The following TPH1 variants were observed in gnomAD, a reference collection of about 807,000 sequenced individuals.
The protein encoded by TPH1 is tryptophan hydroxylase 1, also known as tryptophan 5-hydroxylase 1.
A neutral mutation model predicts 49.5 loss-of-function variants in TPH1; 37 were observed. That is an observed-to-expected ratio of 0.75 (90% confidence interval 0.58 to 0.98). The LOEUF (loss-of-function observed/expected upper bound fraction) is 0.98, where lower values mean the gene tolerates loss of function less well. TPH1 is among the 50% of genes least tolerant of loss of function. TPH1 has a pLI of 0.00. For missense variants in TPH1, 487 were observed against 523.6 expected, an observed-to-expected ratio of 0.93 and a Z score of 0.68; for synonymous variants, 160 against 182.1, an observed-to-expected ratio of 0.88 and a Z score of 0.98.
intron 2 of TPH1, among the ~76,000 whole-genome samples, chr11:18,038,506 T>G (rs905881300): frequency 3.3e-5 from 5 of 152,192 alleles, no homozygotes; most frequent in African/African-American, 1.2e-4. Context: ...AGTAATTCAA[T>G]GTACATATCA....
intron 9 of TPH1, chr11:18,023,205 T>G (rs1565234786): frequency 4.8e-6 from 2 of 413,490 alleles, no homozygotes; most frequent in Non-Finnish European, 9.0e-6. Context: ...TATTTATTTA[T>G]TCCTGTATTA....
At chr11:18,033,477 G>T in intron 3 of TPH1, 103 bp from the exon 4 acceptor site, 1 of 943,450 alleles carries the variant, frequency 1.1e-6, no homozygotes, top group Non-Finnish European at 1.6e-6. Flanking sequence ...TTGGATGAGA[G>T]TTTTAATTTT....
chr11:18,025,594 G>C lies in TPH1; in HGVS notation c.911C>G (p.Ala304Gly). The C allele has an allele frequency of 6.2e-7, 1 of 1,613,926 alleles. No homozygotes were observed. The highest frequency in any genetic ancestry group is 1.1e-5 in the South Asian group (1 of 91,078). ...GLASLGASEE[A>G]VQKLATCYFF... ...TTATACCGTTGCCAGTTTTTGAACA[G>C]CCTCCTCTGAAGCGCCAAGAGAAGC... Residue 304 changes from alanine to glycine, a missense_variant, in exon 8 of 11, where the codon GCT becomes GGT. Coordinates refer to ENST00000682019, the MANE Select transcript of TPH1 (RefSeq NM_004179.3).
rs1268883740 is a variant in TPH1, at chr11:18,019,778, T to A, written c.*1213A>T. 1 of 456,386 alleles carries A rather than the reference T, an allele frequency of 2.2e-6. No homozygotes were observed. Among genetic ancestry groups the A allele is most frequent in the East Asian group, 6.9e-5 (1 of 14,410 alleles). 28.3% of individuals were successfully genotyped at this position (456,386 alleles called of 1,614,324 possible). On this transcript the variant is annotated 3_prime_UTR_variant, in exon 11 of 11. Transcript: ENST00000682019. ...GGGGCAAATTAAAGAGACATAAGTT[T>A]GTATTTTGGAGTTCAGCTTCACCCA...
intron 3 of TPH1, among the ~76,000 whole-genome samples, chr11:18,034,389 T>G (rs1268198564): frequency 6.6e-6 from 1 of 152,210 alleles, no homozygotes; most frequent in Non-Finnish European, 1.5e-5. Flanking sequence ...TTCAAGGGAT[T>G]TAACAACAAA....
rs1847930965 is a variant in TPH1 at position 18,026,556 on chromosome 11, G to T, written c.737C>A (p.Ala246Asp). Residue 246 changes from alanine (A) to aspartate (D), a missense_variant, in exon 7 of 11, where the codon GCC becomes GAC. Coordinates refer to ENST00000682019, the MANE Select transcript of TPH1 (RefSeq NM_004179.3). ...LSPRDFLSGL[A>D]FRVFHCTQYV... ...TTGAGTGCAGTGAAAAACTCGAAAGGCTAAACCTGATAAGAAATCTCTTGG... is the reference window on the plus strand; with the variant it reads ...TTGAGTGCAGTGAAAAACTCGAAAGTCTAAACCTGATAAGAAATCTCTTGG... 6.2e-7 allele frequency: 1 copy of T among 1,614,016 alleles called. No homozygotes were observed.
intron 2 of TPH1, among the ~76,000 whole-genome samples, chr11:18,040,272 A>C (rs1848086950): frequency 6.8e-6 from 1 of 148,116 alleles, no homozygotes; most frequent in Non-Finnish European, 1.5e-5. Context: ...TAAGTTCTTA[A>C]CAAATGTTTG....
intron 10 of TPH1, among the ~76,000 whole-genome samples, chr11:18,022,122 T>C (rs933507034): frequency 3.9e-5 from 6 of 152,234 alleles, no homozygotes; most frequent in African/African-American, 1.4e-4. Context: ...TGTTGTCTCA[T>C]TGATTCTCCT....
At chr11:18,035,251 A>C (rs1242713307) in intron 3 of TPH1, among the ~76,000 whole-genome samples, 2 of 152,198 alleles carry the variant, frequency 1.3e-5, no homozygotes, top group East Asian at 3.8e-4. Context: ...GAGACTTACT[A>C]AGTGCTCAGG....
intron 1 of TPH1, chr11:18,042,275 G>A: frequency 4.7e-6 from 2 of 428,260 alleles, no homozygotes; most frequent in Non-Finnish European, 9.3e-6. Context: ...CAAATTGGTG[G>A]CTCTGGGGCT....
At chr11:18,030,875 T>C (rs1178476138) in intron 4 of TPH1, among the ~76,000 whole-genome samples, 1 of 152,162 alleles carries the variant, frequency 6.6e-6, no homozygotes, top group African/African-American at 2.4e-5. Context: ...GCAGAGCATG[T>C]TGAAACTAGT....
intron 1 of TPH1, among the ~76,000 whole-genome samples, chr11:18,044,327 T>C (rs369289350): frequency 1.2e-3 from 179 of 151,474 alleles, no homozygotes; most frequent in Middle Eastern, 3.4e-3. Flanking sequence ...GAGGCTGAGG[T>C]AGGAGAATGG....
chr11:18,031,680 T>C (rs1470338596), intron 4 of TPH1, among the ~76,000 whole-genome samples: 1 of 152,158 alleles, frequency 6.6e-6, no homozygotes, highest in Non-Finnish European at 1.5e-5. Context: ...CAGGACTTAG[T>C]AGATCAGTAA....
At chr11:18,036,869 A>G (rs573834036) in intron 2 of TPH1, among the ~76,000 whole-genome samples, 2 of 152,244 alleles carry the variant, frequency 1.3e-5, no homozygotes, top group Non-Finnish European at 2.9e-5. Flanking sequence ...CACCTGTGTA[A>G]CTAGGTAAGG....
chr11:18,030,576 A>G (rs1847977592), intron 4 of TPH1, among the ~76,000 whole-genome samples: 1 of 152,204 alleles, frequency 6.6e-6, no homozygotes, highest in South Asian at 2.1e-4. Flanking sequence ...AAATCTGGAA[A>G]AACAGATATG....
intron 2 of TPH1, among the ~76,000 whole-genome samples, chr11:18,038,488 G>T (rs1165082157): frequency 6.6e-6 from 1 of 152,186 alleles, no homozygotes; most frequent in Non-Finnish European, 1.5e-5. Context: ...ATTCTAAAGT[G>T]CAGACAAAGT....
chr11:18,044,276 G>A (rs949098352), intron 1 of TPH1, among the ~76,000 whole-genome samples: 2 of 151,972 alleles, frequency 1.3e-5, no homozygotes, highest in South Asian at 4.2e-4. Flanking sequence ...ACAAAAATTG[G>A]CTGGGTGTGG....
intron 8 of TPH1, among the ~76,000 whole-genome samples, chr11:18,024,704 T>A (rs1847909663): frequency 6.6e-6 from 1 of 152,220 alleles, no homozygotes; most frequent in Non-Finnish European, 1.5e-5. Flanking sequence ...GGATCTTTTA[T>A]CTAGGCATGA....
At position 18,020,205 on chromosome 11, in the gene TPH1, A is replaced by T. The variant is rs1226047701; in HGVS notation, c.*786T>A. On this transcript the variant is annotated 3_prime_UTR_variant, in exon 11 of 11. Transcript: ENST00000682019. Reference sequence around the variant, plus strand: ...TCCCTTGGACCCATGAGTAGGATAGATAGTCCAGAATAAAACCAGTATCGT... The same window carrying T: ...TCCCTTGGACCCATGAGTAGGATAGTTAGTCCAGAATAAAACCAGTATCGT... The T allele has an allele frequency of 1.3e-5, 2 of 155,372 alleles. No individual in the cohort carries two copies. The highest frequency in any genetic ancestry group is 2.9e-5 in the Non-Finnish European group (2 of 70,160). 9.6% of individuals were successfully genotyped at this position (155,372 alleles called of 1,614,324 possible). A position where few individuals can be genotyped will look rare whatever the true frequency, so the allele number is the denominator to read the frequency against.
Sources: gnomAD v4.1 joint callset for allele counts (sites outside exome capture counted in the v4.1 genomes callset) on GRCh38, gnomAD v4.1.1 for gene constraint, MANE v1.5 for transcripts, NCBI Gene and HGNC (gene_info 2026-07-23, HGNC 2026-07-21) for gene names.